RSPO3: variants seen among roughly 807,000 people sequenced by gnomAD.
RSPO3 encodes R-spondin-3.
Under a neutral mutation model 36.5 loss-of-function variants are expected in RSPO3, and 17 were observed. The observed-to-expected ratio is 0.47, with a 90% CI of 0.32 to 0.70. The LOEUF (loss-of-function observed/expected upper bound fraction) is 0.70, where lower values mean the gene tolerates loss of function less well. Among genes scored for constraint, RSPO3 ranks in the 30% least tolerant of loss-of-function variants. The pLI is 0.04. For missense variants in RSPO3, 294 were observed against 322.5 expected, an observed-to-expected ratio of 0.91 and a Z score of 0.68; for synonymous variants, 108 against 107.0, an observed-to-expected ratio of 1.01 and a Z score of -0.06.
intron 4 of RSPO3, among the ~76,000 whole-genome samples, chr6:127,171,164 C>CTT (rs1562250510): frequency 1.3e-4 from 20 of 151,832 alleles, no homozygotes; most frequent in African/African-American, 4.6e-4. Flanking sequence ...TTTCTAAAAC[C>CTT]TCTTTTATAT....
chr6:127,199,422 G>A lies in RSPO3; in HGVS notation c.*3415G>A, dbSNP rs183538026. The stretch of plus-strand genomic sequence containing the variant: ...CATGCATGATAATTTCAAGGAATAA[G>A]TATATATGTGAGAATCATGGAAATG... On this transcript the variant is annotated 3_prime_UTR_variant, in exon 5 of 5. Transcript: ENST00000356698. Among the ~76,000 whole-genome samples the A allele has an allele frequency of 1.1e-3, 164 of 152,176 alleles. No homozygotes were observed. The highest frequency in any genetic ancestry group is 3.8e-3 in the African/African-American group (156 of 41,522).
chr6:127,130,548 A>G (rs77303298), intron 1 of RSPO3, among the ~76,000 whole-genome samples: 1,958 of 152,252 alleles, frequency 0.013, 36 homozygotes, highest in African/African-American at 0.044. Flanking sequence ...CACACATCTA[A>G]TAGTTATCAT....
intron 4 of RSPO3, among the ~76,000 whole-genome samples, chr6:127,163,968 A>G (rs1054750247): frequency 2.0e-5 from 3 of 151,984 alleles, no homozygotes; most frequent in African/African-American, 4.8e-5. Context: ...TTCAGCTCAC[A>G]CTGCCTTCAT....
At chr6:127,167,973 G>A (rs1193929441) in intron 4 of RSPO3, among the ~76,000 whole-genome samples, 1 of 152,050 alleles carries the variant, frequency 6.6e-6, no homozygotes, top group Non-Finnish European at 1.5e-5. Flanking sequence ...GTATTCCATG[G>A]TGTATATGTG....
chr6:127,135,204 G>A (rs1027429491), intron 1 of RSPO3, among the ~76,000 whole-genome samples: 2 of 151,666 alleles, frequency 1.3e-5, no homozygotes, highest in African/African-American at 4.8e-5. Context: ...GGCAGATTAC[G>A]AGGTCAAGAG....
At chr6:127,122,219 T>A (rs1223048961) in intron 1 of RSPO3, among the ~76,000 whole-genome samples, 1 of 152,238 alleles carries the variant, frequency 6.6e-6, no homozygotes, top group Non-Finnish European at 1.5e-5. Flanking sequence ...AACTAGTGTT[T>A]CTTCTCATAA....
chr6:127,142,822 TTTTG>T (rs1199907251), intron 1 of RSPO3, among the ~76,000 whole-genome samples: 1 of 152,064 alleles, frequency 6.6e-6, no homozygotes, highest in African/African-American at 2.4e-5. Context: ...TTGTTTTTGT[TTTTG>T]TTTTTTTTTA....
chr6:127,164,133 C>T (rs1299263237), intron 4 of RSPO3, among the ~76,000 whole-genome samples: 1 of 152,068 alleles, frequency 6.6e-6, no homozygotes, highest in African/African-American at 2.4e-5. Context: ...TCCCTGCATC[C>T]AATCTCACGA....
At chr6:127,128,247 G>C (rs927158170) in intron 1 of RSPO3, among the ~76,000 whole-genome samples, 1 of 151,954 alleles carries the variant, frequency 6.6e-6, no homozygotes, top group Non-Finnish European at 1.5e-5. Context: ...CTTTTACCAT[G>C]AGCATTAACA....
At chr6:127,168,145 A>G (rs1241271148) in intron 4 of RSPO3, among the ~76,000 whole-genome samples, 2 of 152,164 alleles carry the variant, frequency 1.3e-5, no homozygotes, top group East Asian at 3.9e-4. Flanking sequence ...GTCAAATGGT[A>G]TTTCTAGTTC....
At chr6:127,171,973 G>A (rs1774946170) in intron 4 of RSPO3, among the ~76,000 whole-genome samples, 1 of 151,078 alleles carries the variant, frequency 6.6e-6, no homozygotes, top group East Asian at 2.0e-4. Context: ...TTAAAAGTTA[G>A]TTAAGACCCA....
intron 4 of RSPO3, 88 bp downstream of exon 4, chr6:127,155,526 A>T: frequency 1.7e-6 from 2 of 1,194,126 alleles, no homozygotes; most frequent in Non-Finnish European, 2.4e-6. Flanking sequence ...ACTTGGCATT[A>T]TCTTTCATGC....
chr6:127,180,487 CAAAAAAAA>C (rs71543112), intron 4 of RSPO3, among the ~76,000 whole-genome samples: 51 of 42,646 alleles, frequency 1.2e-3, no homozygotes, highest in East Asian at 9.2e-3. Context: ...TGGAAGAAAA[CAAAAAAAA>C]AAAAAAAAAA....
chr6:127,124,350 G>T (rs1386554012), intron 1 of RSPO3, among the ~76,000 whole-genome samples: 1 of 152,012 alleles, frequency 6.6e-6, no homozygotes, highest in Admixed American at 6.6e-5. Context: ...CCATCAGAGT[G>T]GATATTGTGT....
intron 1 of RSPO3, among the ~76,000 whole-genome samples, chr6:127,139,352 T>A (rs1027286398): frequency 8.5e-5 from 13 of 152,150 alleles, no homozygotes; most frequent in Non-Finnish European, 1.9e-4. Flanking sequence ...TAGCATGCTA[T>A]GTAGCACAAA....
At chr6:127,175,321 G>A (rs1775030153) in intron 4 of RSPO3, among the ~76,000 whole-genome samples, 1 of 151,674 alleles carries the variant, frequency 6.6e-6, no homozygotes, top group Admixed American at 6.6e-5. Context: ...CTTAGTTTGT[G>A]TTTCAATATT....
At chr6:127,127,604 C>A (rs1327420722) in intron 1 of RSPO3, among the ~76,000 whole-genome samples, 1 of 152,066 alleles carries the variant, frequency 6.6e-6, no homozygotes, top group Non-Finnish European at 1.5e-5. Context: ...TCATACCCAC[C>A]TGTAAGGAAT....
At position 127,197,558 on chromosome 6, in the gene RSPO3, G is replaced by A. The variant is rs1005865901; in HGVS notation, c.*1551G>A. The A allele has an allele frequency of 3.2e-6, 5 of 1,548,254 alleles. No homozygotes were observed. Among genetic ancestry groups the A allele is most frequent in the Non-Finnish European group, 4.4e-6 (5 of 1,146,322 alleles). Reference sequence around the variant, plus strand: ...CCCACCTTAACCTTCCTGTTGTCATGGAAGGATGCACGGCTGCTCTGTCCA... The same window carrying A: ...CCCACCTTAACCTTCCTGTTGTCATAGAAGGATGCACGGCTGCTCTGTCCA... On this transcript the variant is annotated 3_prime_UTR_variant, in exon 5 of 5. Transcript: ENST00000356698.
At chr6:127,130,294 C>A (rs1355283491) in intron 1 of RSPO3, among the ~76,000 whole-genome samples, 1 of 152,118 alleles carries the variant, frequency 6.6e-6, no homozygotes, top group African/African-American at 2.4e-5. Flanking sequence ...TTTAATTGAA[C>A]AAAGACACTG....
Sources: gnomAD v4.1 joint callset for allele counts (sites outside exome capture counted in the v4.1 genomes callset) on GRCh38, gnomAD v4.1.1 for gene constraint, MANE v1.5 for transcripts, NCBI Gene and HGNC (gene_info 2026-07-23, HGNC 2026-07-21) for gene names.